HDAC9: variants seen among roughly 807,000 people sequenced by gnomAD.
HDAC9 encodes the protein MEF-2 interacting transcription repressor (MITR) protein.
HDAC9 carries 41 observed loss-of-function variants against 139.4 expected under a neutral mutation model. That is an observed-to-expected ratio of 0.29 (90% confidence interval 0.23 to 0.38). HDAC9 has a LOEUF of 0.38. Ranked by LOEUF, HDAC9 falls within the 10% of genes least tolerant of loss-of-function variation. The pLI, the probability that HDAC9 is intolerant of heterozygous loss-of-function variation, is 1.00. For synonymous variants in HDAC9, 517 were observed against 476.2 expected, an observed-to-expected ratio of 1.09 and a Z score of -1.12; for missense variants, 1,147 against 1,297.0, an observed-to-expected ratio of 0.88 and a Z score of 1.78.
rs570462809 is a variant in HDAC9 at position 18,495,770 on chromosome 7, T to C, written c.-295T>C. 21 of 994,036 alleles carry C rather than the reference T, an allele frequency of 2.1e-5. No homozygotes were observed. The African/African-American group carries it at 3.5e-4, about 16-fold the overall frequency. 61.6% of individuals were successfully genotyped at this position (994,036 alleles called of 1,614,324 possible). On this transcript the variant is annotated 5_prime_UTR_variant, in exon 1 of 26. Coordinates refer to ENST00000686413, the MANE Select transcript of HDAC9 (RefSeq NM_178425.4). ...GGGGGAAGAGAGGCACAGACACAGATAGGAGAAGGGCACCGGCTGGAGCCA... is the reference window on the plus strand; with the variant it reads ...GGGGGAAGAGAGGCACAGACACAGACAGGAGAAGGGCACCGGCTGGAGCCA...
At chr7:18,922,545 A>C (rs1416859990) in intron 22 of HDAC9, among the ~76,000 whole-genome samples, 1 of 152,072 alleles carries the variant, frequency 6.6e-6, no homozygotes, top group Non-Finnish European at 1.5e-5. Flanking sequence ...ATTTGGATTC[A>C]AACTTGGTCT....
chr7:18,345,384 G>A (rs1782327298), intron 1 of HDAC9, among the ~76,000 whole-genome samples: 1 of 151,822 alleles, frequency 6.6e-6, no homozygotes, highest in African/African-American at 2.4e-5. Context: ...ATCATACTAA[G>A]CATTATTTCC....
At chr7:18,677,593 A>C (rs1781602216) in intron 12 of HDAC9, among the ~76,000 whole-genome samples, 1 of 151,914 alleles carries the variant, frequency 6.6e-6, no homozygotes, top group South Asian at 2.1e-4. Context: ...CATTCTCATC[A>C]ACAATGTATG....
chr7:18,703,461 T>C (rs1439766146), intron 12 of HDAC9, among the ~76,000 whole-genome samples: 1 of 152,186 alleles, frequency 6.6e-6, no homozygotes, highest in Non-Finnish European at 1.5e-5. Flanking sequence ...TTGTACGAAT[T>C]AATATTAATA....
At chr7:18,405,418 T>TC (rs1176345864) in intron 1 of HDAC9, among the ~76,000 whole-genome samples, 1 of 152,098 alleles carries the variant, frequency 6.6e-6, no homozygotes, top group Non-Finnish European at 1.5e-5. Flanking sequence ...CCCATAATCA[T>TC]CCCCCTATCT....
At chr7:18,795,227 C>T (rs1187716320) in intron 17 of HDAC9, among the ~76,000 whole-genome samples, 1 of 121,060 alleles carries the variant, frequency 8.3e-6, no homozygotes, top group Non-Finnish European at 1.6e-5. Flanking sequence ...AAGGAATCAG[C>T]AGGCATGGTT....
At chr7:18,467,919 T>G (rs1794417929) in intron 1 of HDAC9, among the ~76,000 whole-genome samples, 1 of 152,186 alleles carries the variant, frequency 6.6e-6, no homozygotes, top group African/African-American at 2.4e-5. Context: ...TTGAGGACCT[T>G]GAAAATCTTG....
intron 1 of HDAC9, among the ~76,000 whole-genome samples, chr7:18,140,747 C>T (rs998616835): frequency 2.9e-4 from 44 of 152,012 alleles, no homozygotes; most frequent in African/African-American, 8.2e-4. Context: ...TGAACATACA[C>T]ATATATAGAA....
At chr7:18,749,210 G>A in intron 14 of HDAC9, 72 bp downstream of exon 14, 1 of 1,483,302 alleles carries the variant, frequency 6.7e-7, no homozygotes, top group Admixed American at 1.9e-5. Context: ...TTCATTTGGG[G>A]AGTAATAGAA....
intron 2 of HDAC9, among the ~76,000 whole-genome samples, chr7:18,562,241 T>C (rs1249892059): frequency 2.0e-5 from 3 of 152,174 alleles, no homozygotes. Context: ...ATTAAAGATA[T>C]ATAGTTTGCA....
intron 2 of HDAC9, among the ~76,000 whole-genome samples, chr7:18,252,450 A>G (rs796704378): frequency 9.2e-5 from 14 of 152,284 alleles, no homozygotes; most frequent in African/African-American, 3.4e-4. Flanking sequence ...TATATAATGA[A>G]CCTATCCTAT....
intron 1 of HDAC9, among the ~76,000 whole-genome samples, chr7:18,315,385 C>T (rs1258559171): frequency 1.3e-5 from 2 of 152,070 alleles, no homozygotes; most frequent in Non-Finnish European, 2.9e-5. Flanking sequence ...ATTAGCTGCT[C>T]AAGGTCACAG....
At chr7:18,404,307 A>G (rs1787809255) in intron 1 of HDAC9, among the ~76,000 whole-genome samples, 1 of 152,218 alleles carries the variant, frequency 6.6e-6, no homozygotes, top group East Asian at 1.9e-4. Flanking sequence ...GGTATATAAC[A>G]TACATAGGCA....
At chr7:18,193,460 G>A (rs1790499826) in intron 2 of HDAC9, among the ~76,000 whole-genome samples, 1 of 152,144 alleles carries the variant, frequency 6.6e-6, no homozygotes, top group Non-Finnish European at 1.5e-5. Context: ...TGCTTGTGGT[G>A]TACAGGGAGA....
intron 22 of HDAC9, among the ~76,000 whole-genome samples, chr7:18,897,471 C>A (rs1050168507): frequency 5.9e-5 from 9 of 151,892 alleles, no homozygotes; most frequent in African/African-American, 1.7e-4. Flanking sequence ...TGCAGTGTTA[C>A]AATTTACTAA....
chr7:18,860,511 C>T (rs1798026462), intron 21 of HDAC9, among the ~76,000 whole-genome samples: 1 of 152,166 alleles, frequency 6.6e-6, no homozygotes, highest in Non-Finnish European at 1.5e-5. Context: ...TTTAAATATA[C>T]TTTCTTCCTT....
chr7:18,878,396 T>TA (rs1224161280), intron 22 of HDAC9, among the ~76,000 whole-genome samples: 5 of 152,210 alleles, frequency 3.3e-5, no homozygotes, highest in African/African-American at 1.2e-4. Flanking sequence ...CCATATCTGA[T>TA]AAAAAGTATG....
chr7:18,401,513 G>A (rs1390923806), intron 1 of HDAC9, among the ~76,000 whole-genome samples: 1 of 152,160 alleles, frequency 6.6e-6, no homozygotes, highest in Non-Finnish European at 1.5e-5. Flanking sequence ...GGCAGAGCTA[G>A]GGTATACTGT....
At chr7:18,582,898 C>T (rs187289996) in intron 2 of HDAC9, among the ~76,000 whole-genome samples, 111 of 152,192 alleles carry the variant, frequency 7.3e-4, no homozygotes, top group African/African-American at 2.4e-3. Context: ...TTTGGTCATA[C>T]GCTTAGCCTA....
Sources: allele counts gnomAD v4.1 joint callset (sites outside exome capture counted in the v4.1 genomes callset), GRCh38; gene constraint gnomAD v4.1.1; transcripts MANE v1.5; gene names NCBI Gene and HGNC (gene_info 2026-07-23, HGNC 2026-07-21).